DYNLRB1: variants seen among roughly 807,000 people sequenced by gnomAD.
DYNLRB1 encodes dynein light chain roadblock-type 1.
In DYNLRB1, 6 loss-of-function variants were observed where a neutral mutation model predicts 13.5. That is an observed-to-expected ratio of 0.44 (90% confidence interval 0.24 to 0.88). The LOEUF (loss-of-function observed/expected upper bound fraction) is 0.88. Ranked by LOEUF, DYNLRB1 falls within the 40% of genes least tolerant of loss-of-function variation. DYNLRB1 has a pLI of 0.21. For synonymous variants in DYNLRB1, 43 were observed against 45.0 expected (o/e 0.96, Z 0.18); for missense variants, 93 against 127.2 (o/e 0.73, Z 1.29).
chr20:34,516,278 A>G, upstream of DYNLRB1: 1 of 971,786 alleles, frequency 1.0e-6, no homozygotes, highest in Admixed American at 2.6e-5. Flanking sequence ...GCTTTGCCAC[A>G]GTGGAAAGCA....
At chr20:34,529,750 G>T in intron 2 of DYNLRB1, 133 of 941,060 alleles carry the variant, frequency 1.4e-4, no homozygotes, top group South Asian at 2.2e-4. Flanking sequence ...AAAAAATGTT[G>T]ATTTCCAAGT....
upstream of DYNLRB1, chr20:34,516,277 C>T (rs1311690227): frequency 2.1e-6 from 2 of 968,186 alleles, no homozygotes; most frequent in Non-Finnish European, 3.0e-6. Flanking sequence ...CGCTTTGCCA[C>T]AGTGGAAAGC....
At chr20:34,524,638 C>A (rs1980033660) in intron 1 of DYNLRB1, among the ~76,000 whole-genome samples, 1 of 152,166 alleles carries the variant, frequency 6.6e-6, no homozygotes, top group African/African-American at 2.4e-5. Flanking sequence ...ACACGCATGA[C>A]CCACTGCATT....
Position 34,534,775 on chromosome 20 carries a change from A to G in DYNLRB1, c.227A>G (p.Asn76Ser). The G allele has an allele frequency of 6.2e-7, 1 of 1,614,072 alleles. No homozygotes were observed. Among genetic ancestry groups the G allele is most frequent in the Non-Finnish European group, 8.5e-7 (1 of 1,180,010 alleles). The part of the protein sequence containing the change: ...LTFLRIRSKK[N>S]EIMVAPDKDY... Reference sequence around the variant, plus strand: ...TTCCTTCGAATTCGCTCCAAGAAAAATGAAATTATGGTTGCACCAGGTAAG... The same window carrying G: ...TTCCTTCGAATTCGCTCCAAGAAAAGTGAAATTATGGTTGCACCAGGTAAG... The change falls in exon 3 of 4, where the codon AAT (asparagine) becomes AGT (serine). Residue 76 changes from asparagine to serine, a missense_variant. Asn to Ser is a conservative substitution (Grantham distance 46). Coordinates refer to ENST00000357156, the MANE Select transcript of DYNLRB1 (RefSeq NM_014183.4).
intron 1 of DYNLRB1, among the ~76,000 whole-genome samples, chr20:34,525,647 G>T (rs1453384118): frequency 2.5e-4 from 38 of 152,136 alleles, no homozygotes; most frequent in Admixed American, 2.4e-3. Context: ...GTGACAGGAG[G>T]CCTGGCATGG....
In DYNLRB1 at chr20:34,540,759, T is replaced by G; in HGVS notation, c.*135T>G. 1.1e-6 allele frequency: 1 copy of G among 876,492 alleles called. No homozygotes were observed. Among genetic ancestry groups the G allele is most frequent in the South Asian group, 1.7e-5 (1 of 59,166 alleles). 54.3% of individuals were successfully genotyped at this position (876,492 alleles called of 1,614,324 possible). ...ACCAATCCAGTGACCGTGTGTGGGCTGGCGGCTCTTCTCCCCCACCAACGG... is the reference window on the plus strand; with the variant it reads ...ACCAATCCAGTGACCGTGTGTGGGCGGGCGGCTCTTCTCCCCCACCAACGG... On this transcript the variant is annotated 3_prime_UTR_variant, in exon 4 of 4. Transcript: ENST00000357156.
At chr20:34,527,058 T>C (rs1466539471) in intron 2 of DYNLRB1, among the ~76,000 whole-genome samples, 1 of 152,184 alleles carries the variant, frequency 6.6e-6, no homozygotes, top group Non-Finnish European at 1.5e-5. Flanking sequence ...ACATACCCGC[T>C]CTGTGCCAAG....
At chr20:34,523,928 T>C (rs966574562) in intron 1 of DYNLRB1, among the ~76,000 whole-genome samples, 1 of 152,244 alleles carries the variant, frequency 6.6e-6, no homozygotes, top group African/African-American at 2.4e-5. Context: ...GGGGCTGTTT[T>C]GGATTTAGAT....
chr20:34,529,237 C>A (rs1980506695), intron 2 of DYNLRB1, among the ~76,000 whole-genome samples: 1 of 152,196 alleles, frequency 6.6e-6, no homozygotes, highest in Non-Finnish European at 1.5e-5. Context: ...CAGGCCATGC[C>A]CGGTTGCGGG....
chr20:34,533,648 G>A (rs1318148564), intron 2 of DYNLRB1: 14 of 318,608 alleles, frequency 4.4e-5, no homozygotes, highest in African/African-American at 1.8e-4. Flanking sequence ...GTGAAACCCC[G>A]TCTCTTCTAA....
chr20:34,535,588 G>A (rs1346569322), intron 3 of DYNLRB1: 1 of 961,388 alleles, frequency 1.0e-6, no homozygotes, highest in Non-Finnish European at 1.2e-6. Context: ...AGAGCCTCCA[G>A]GGCCGTCTTT....
intron 2 of DYNLRB1, among the ~76,000 whole-genome samples, chr20:34,529,216 TC>T (rs1226947674): frequency 6.6e-6 from 1 of 152,198 alleles, no homozygotes; most frequent in Non-Finnish European, 1.5e-5. Context: ...CACTTGGACA[TC>T]CCAAGAGGTC....
chr20:34,538,132 T>A lies in DYNLRB1; in HGVS notation c.248-2449T>A, dbSNP rs1035086642. On this transcript the variant is annotated intron_variant, in intron 3 of 3. Transcript: ENST00000357156. ...GTGTCGCCACACCCAGCATTTTTTT[T>A]TTTTTTTTTTTTTTTGGTAGAGACA... Among the ~76,000 whole-genome samples the A allele has an allele frequency of 3.8e-4, 55 of 144,948 alleles. 1 individual carries two copies. The South Asian group carries it at 8.1e-3, about 21-fold the overall frequency.
Position 34,516,447 on chromosome 20 carries a change from G to A in DYNLRB1, c.-12G>A, listed in dbSNP as rs766723584. 4 of 1,611,128 alleles carry A rather than the reference G, an allele frequency of 2.5e-6. No individual in the cohort carries two copies. Among genetic ancestry groups the A allele is most frequent in the Middle Eastern group, 1.7e-4 (1 of 6,056 alleles). On this transcript the variant is annotated 5_prime_UTR_variant, in exon 1 of 4. Transcript: ENST00000357156. Reference sequence around the variant, plus strand: ...AAGTGTTCGCTACGCGGGGCTACCGGATCGGTCGGAAATGGTGAGCGTGCG... The same window carrying A: ...AAGTGTTCGCTACGCGGGGCTACCGAATCGGTCGGAAATGGTGAGCGTGCG...
chr20:34,532,337 C>T (rs1012211481), intron 2 of DYNLRB1, among the ~76,000 whole-genome samples: 6 of 152,104 alleles, frequency 3.9e-5, no homozygotes, highest in Non-Finnish European at 5.9e-5. Context: ...CATCACTTGC[C>T]CAAGGCTGCA....
At position 34,538,822 on chromosome 20, in the gene DYNLRB1, C is replaced by T. The variant is rs150192031; in HGVS notation, c.248-1759C>T. 4.0e-3 allele frequency among the ~76,000 whole-genome samples: 615 copies of T among 152,322 alleles called. 3 individuals are homozygous for T. Among genetic ancestry groups the T allele is most frequent in the African/African-American group, 0.014 (588 of 41,564 alleles). On this transcript the variant is annotated intron_variant, in intron 3 of 3. Transcript: ENST00000357156. ...TGACTTGGCTGAGGTCCTGCCATTT[C>T]GCTCATGCTCAGCAGGGGGCAGCAG...
At position 34,516,453 on chromosome 20, in the gene DYNLRB1, T is replaced by A. The variant is rs11907610; in HGVS notation, c.-6T>A. On this transcript the variant is annotated 5_prime_UTR_variant, in exon 1 of 4. Transcript: ENST00000357156. The stretch of plus-strand genomic sequence containing the variant: ...TCGCTACGCGGGGCTACCGGATCGG[T>A]CGGAAATGGTGAGCGTGCGCCGGGG... 337 of 1,613,044 alleles carry A rather than the reference T, an allele frequency of 2.1e-4. No homozygotes were observed. In the African/African-American group the frequency reaches 4.0e-3, roughly 19 times the overall value.
chr20:34,531,539 G>A (rs1226492214), intron 2 of DYNLRB1, among the ~76,000 whole-genome samples: 2 of 152,312 alleles, frequency 1.3e-5, no homozygotes, highest in South Asian at 2.1e-4. Flanking sequence ...TAGATGTTTA[G>A]TTTCTTGTCT....
At chr20:34,526,485 C>CA in intron 2 of DYNLRB1, 142 bp downstream of exon 2, 1 of 238,002 alleles carries the variant, frequency 4.2e-6, no homozygotes, top group Non-Finnish European at 7.3e-6. Flanking sequence ...CTCCAGTGTT[C>CA]TTTTTTTTTT....
Sources: allele counts gnomAD v4.1 joint callset (sites outside exome capture counted in the v4.1 genomes callset), GRCh38; gene constraint gnomAD v4.1.1; transcripts MANE v1.5; gene names NCBI Gene and HGNC (gene_info 2026-07-23, HGNC 2026-07-21).